MEIS2: variants seen among roughly 807,000 people sequenced by gnomAD.
MEIS2 encodes homeobox protein Meis2.
MEIS2 carries 9 observed loss-of-function variants against 58.6 expected under a neutral mutation model. The observed-to-expected ratio is 0.15, with a 90% CI of 0.09 to 0.27. MEIS2 has a LOEUF of 0.27. MEIS2 is among the 10% of genes least tolerant of loss of function. The pLI is 1.00. For synonymous variants in MEIS2, 221 were observed against 228.4 expected, an observed-to-expected ratio of 0.97 and a Z score of 0.29; for missense variants, 427 against 635.0, an observed-to-expected ratio of 0.67 and a Z score of 3.52.
At chr15:37,039,132 A>G (rs922573163) in intron 7 of MEIS2, among the ~76,000 whole-genome samples, 2 of 152,044 alleles carry the variant, frequency 1.3e-5, no homozygotes, top group Non-Finnish European at 2.9e-5. Flanking sequence ...GGAGATGAGG[A>G]AAAAAAATCC....
intron 8 of MEIS2, among the ~76,000 whole-genome samples, chr15:37,024,346 A>G (rs140167272): frequency 6.6e-6 from 1 of 152,068 alleles, no homozygotes; most frequent in African/African-American, 2.4e-5. Flanking sequence ...CTTCAAAAAG[A>G]CTCAAACCCC....
chr15:37,043,764 C>T (rs377097373), intron 7 of MEIS2, among the ~76,000 whole-genome samples: 15 of 150,414 alleles, frequency 1.0e-4, no homozygotes, highest in East Asian at 3.9e-4. Context: ...CTTGGCTCAC[C>T]GCAACCTCCA....
intron 7 of MEIS2, among the ~76,000 whole-genome samples, chr15:37,045,969 C>A (rs571701733): frequency 5.8e-4 from 88 of 152,304 alleles, no homozygotes; most frequent in Non-Finnish European, 9.6e-4. Context: ...ACACCCTCCC[C>A]CCGGGGTATG....
intron 8 of MEIS2, among the ~76,000 whole-genome samples, chr15:36,998,188 C>A (rs1054393602): frequency 6.7e-6 from 1 of 149,956 alleles, no homozygotes; most frequent in Non-Finnish European, 1.5e-5. Context: ...TTGATCAGCA[C>A]AGACTACGAC....
intron 8 of MEIS2, among the ~76,000 whole-genome samples, chr15:36,975,469 G>T (rs1468142728): frequency 5.2e-5 from 7 of 135,654 alleles, no homozygotes; most frequent in Non-Finnish European, 7.6e-5. Context: ...AAAAATAAGG[G>T]TTTTTTTTTT....
chr15:37,009,154 T>G (rs952978935), intron 8 of MEIS2, among the ~76,000 whole-genome samples: 3 of 152,080 alleles, frequency 2.0e-5, no homozygotes, highest in African/African-American at 7.2e-5. Flanking sequence ...CCAGGCGTGG[T>G]GGCGGGCGCC....
chr15:37,035,385 C>T (rs999710380), intron 8 of MEIS2, among the ~76,000 whole-genome samples: 1 of 152,274 alleles, frequency 6.6e-6, no homozygotes, highest in Admixed American at 6.5e-5. Flanking sequence ...AGCTTCAGTG[C>T]TCCTGAATAG....
rs1455199318 is a variant in MEIS2 at position 37,044,105 on chromosome 15, A to G, written c.755-7146T>C. 3.9e-5 allele frequency among the ~76,000 whole-genome samples: 6 copies of G among 152,314 alleles called. 1 individual carries two copies. In the South Asian group the frequency reaches 6.2e-4, roughly 16 times the overall value. ...ATCTTCACAACAAATGAATAAAACC[A>G]TCTCCATTCTACAGATAAGAAAACT... On this transcript the variant is annotated intron_variant, in intron 7 of 11. Transcript: ENST00000561208.
chr15:36,903,780 A>C (rs2056593533), intron 9 of MEIS2, among the ~76,000 whole-genome samples: 1 of 152,156 alleles, frequency 6.6e-6, no homozygotes, highest in African/African-American at 2.4e-5. Flanking sequence ...ATCCCAACAA[A>C]TCTAGTAGCT....
intron 1 of MEIS2, 92 bp downstream of exon 1, chr15:37,099,357 GAGCAGC>G: frequency 1.3e-6 from 2 of 1,570,842 alleles, no homozygotes; most frequent in Non-Finnish European, 1.7e-6. Context: ...ATCAAGCAGC[GAGCAGC>G]AGCAGAAGCG....
intron 9 of MEIS2, among the ~76,000 whole-genome samples, chr15:36,914,924 G>A (rs371085590): frequency 6.6e-6 from 1 of 152,176 alleles, no homozygotes; most frequent in Non-Finnish European, 1.5e-5. Flanking sequence ...TATAAACAAC[G>A]TGAGCCAGGA....
intron 8 of MEIS2, among the ~76,000 whole-genome samples, chr15:36,990,590 G>A (rs1454356782): frequency 6.6e-6 from 1 of 152,052 alleles, no homozygotes; most frequent in East Asian, 1.9e-4. Context: ...AAAGAAAGAT[G>A]AAAGAAGGCA....
At chr15:37,098,375 AGG>A (rs1205039042) in intron 1 of MEIS2, 176 bp from the exon 2 acceptor site, 29 of 671,628 alleles carry the variant, frequency 4.3e-5, no homozygotes, top group African/African-American at 4.1e-4. Flanking sequence ...AAAGGAGGAG[AGG>A]GGGAGAGAGA....
intron 7 of MEIS2, among the ~76,000 whole-genome samples, chr15:37,052,198 A>G (rs540328279): frequency 6.6e-6 from 1 of 152,312 alleles, no homozygotes; most frequent in Non-Finnish European, 1.5e-5. Context: ...CAGAAATAAT[A>G]TTAGCCCTTG....
chr15:37,092,173 G>A (rs544486542), intron 6 of MEIS2, among the ~76,000 whole-genome samples: 12 of 152,302 alleles, frequency 7.9e-5, no homozygotes, highest in Middle Eastern at 3.4e-3. Flanking sequence ...CTTCAACACC[G>A]CAGTATTTAT....
At chr15:36,975,448 G>T (rs1483351089) in intron 8 of MEIS2, among the ~76,000 whole-genome samples, 1 of 144,324 alleles carries the variant, frequency 6.9e-6, no homozygotes, top group Non-Finnish European at 1.5e-5. Flanking sequence ...AGGCCAGGCG[G>T]TGGGTTTATA....
intron 8 of MEIS2, among the ~76,000 whole-genome samples, chr15:37,015,051 T>C (rs886514511): frequency 6.6e-6 from 1 of 152,248 alleles, no homozygotes; most frequent in East Asian, 1.9e-4. Context: ...ACATGTGACT[T>C]GAGCTCAAGT....
chr15:36,929,617 A>C (rs1343340808), intron 9 of MEIS2, among the ~76,000 whole-genome samples: 1 of 152,228 alleles, frequency 6.6e-6, no homozygotes, highest in Non-Finnish European at 1.5e-5. Flanking sequence ...CTGAACTGGA[A>C]GCACCATGAA....
At chr15:36,952,132 A>G (rs2058772452) in intron 8 of MEIS2, among the ~76,000 whole-genome samples, 1 of 152,140 alleles carries the variant, frequency 6.6e-6, no homozygotes, top group Non-Finnish European at 1.5e-5. Flanking sequence ...TAATGGAGAT[A>G]ATGAATGACT....
Sources: allele counts gnomAD v4.1 joint callset (sites outside exome capture counted in the v4.1 genomes callset), GRCh38; gene constraint gnomAD v4.1.1; transcripts MANE v1.5; gene names NCBI Gene and HGNC (gene_info 2026-07-23, HGNC 2026-07-21).